ZNF44: variants seen among roughly 807,000 people sequenced by gnomAD.
ZNF44 encodes the protein zinc finger protein 44, also known as gonadotropin inducible transcription repressor-2.
Under a neutral mutation model 11.7 loss-of-function variants are expected in ZNF44, and 9 were observed. That is an observed-to-expected ratio of 0.77 (90% CI 0.46 to 1.35). The LOEUF (loss-of-function observed/expected upper bound fraction) is 1.35, where lower values mean the gene tolerates loss of function less well. ZNF44 is among the 40% of genes most tolerant of loss of function. The pLI, the probability that ZNF44 is intolerant of heterozygous loss-of-function variation, is 0.00. For missense variants in ZNF44, 696 were observed against 743.1 expected, an observed-to-expected ratio of 0.94 and a Z score of 0.74; for synonymous variants, 224 against 242.7, an observed-to-expected ratio of 0.92 and a Z score of 0.72.
chr19:12,250,248 T>C, exon 6 of ZNF44: 1 of 1,361,150 alleles, frequency 7.3e-7, no homozygotes, highest in Non-Finnish European at 9.8e-7. Context: ...TTACCTATAG[T>C]GGCCAGGTTC....
chr19:12,284,805 G>C (rs1431941808), intron 1 of ZNF44: 2 of 1,189,030 alleles, frequency 1.7e-6, no homozygotes, highest in Non-Finnish European at 2.4e-6. Flanking sequence ...CGTGCGCAGA[G>C]GCTACTGGGG....
chr19:12,275,079 A>T, intron 2 of ZNF44, 46 bp from the exon 3 acceptor site: 1 of 1,425,104 alleles, frequency 7.0e-7, no homozygotes. Flanking sequence ...TTACAAAATG[A>T]TACAAAAATT....
intron 1 of ZNF44, chr19:12,284,470 C>T (rs1024397461): frequency 4.6e-6 from 3 of 649,900 alleles, no homozygotes; most frequent in Admixed American, 2.0e-5. Flanking sequence ...AGAGGCAAGG[C>T]CGAGGATAAG....
chr19:12,261,502 T>C (rs545923501), intron 5 of ZNF44, among the ~76,000 whole-genome samples: 4 of 152,288 alleles, frequency 2.6e-5, no homozygotes, highest in Non-Finnish European at 4.4e-5. Context: ...TGTGCTGGCA[T>C]GTGACTGTAG....
chr19:12,284,739 G>A (rs1967653838), intron 1 of ZNF44: 1 of 761,554 alleles, frequency 1.3e-6, no homozygotes, highest in African/African-American at 1.7e-5. Context: ...GTGCTCCAAG[G>A]AGGCAGCCAC....
At chr19:12,263,084 CTTTT>C (rs113781753) in intron 5 of ZNF44, among the ~76,000 whole-genome samples, 108 of 143,296 alleles carry the variant, frequency 7.5e-4, no homozygotes, top group Non-Finnish European at 1.3e-3. Context: ...ATTCATCAAT[CTTTT>C]TTTTTTTTTT....
At chr19:12,293,644 C>A (rs1424200432) in intron 1 of ZNF44, among the ~76,000 whole-genome samples, 1 of 152,046 alleles carries the variant, frequency 6.6e-6, no homozygotes, top group Non-Finnish European at 1.5e-5. Context: ...GGGTTCATAA[C>A]GTTACTGGGA....
At chr19:12,247,891 G>A (rs139168578) in exon 8 of ZNF44, 25 of 1,328,270 alleles carry the variant, frequency 1.9e-5, no homozygotes, top group African/African-American at 7.5e-5. Context: ...TTCCTCTCAT[G>A]TTTTTGAGCA....
downstream of ZNF44, among the ~76,000 whole-genome samples, chr19:12,245,657 C>G (rs1410293308): frequency 6.6e-6 from 1 of 152,174 alleles, no homozygotes; most frequent in Non-Finnish European, 1.5e-5. Flanking sequence ...CAAATTAGAT[C>G]TTGTTTGAAT....
At chr19:12,291,278 A>G (rs1447289572) in intron 1 of ZNF44, 1 of 452,864 alleles carries the variant, frequency 2.2e-6, no homozygotes, top group South Asian at 1.6e-5. Flanking sequence ...TAAAGTTTTG[A>G]TAAAGCTTTA....
downstream of ZNF44, among the ~76,000 whole-genome samples, chr19:12,271,124 C>T (rs147972057): frequency 5.6e-4 from 85 of 152,100 alleles, no homozygotes; most frequent in Middle Eastern, 6.8e-3. Flanking sequence ...TTTGGACACG[C>T]GAAAAATTTG....
At position 12,273,911 on chromosome 19, in the gene ZNF44, T is replaced by C. The variant is rs1967096778; in HGVS notation, c.344A>G (p.His115Arg). ...TCTGATGTAGCAATTCAGGGATGAA[T>C]GACCCATTATGACTTCTCCATTCAC... is the stretch of plus-strand genomic sequence containing the variant. ...SSVNGEVIMGHSSLNCYIRVD... is the reference protein window; with the variant it reads ...SSVNGEVIMGRSSLNCYIRVD... Residue 115 changes from histidine to arginine, a missense_variant, in exon 4 of 4, where the codon CAT becomes CGT. By Grantham distance (29) the His-to-Arg change is conservative. Transcript: ENST00000355684. The C allele has an allele frequency of 6.2e-7, 1 of 1,614,206 alleles. No individual in the cohort carries two copies. Among genetic ancestry groups the C allele is most frequent in the South Asian group, 1.1e-5 (1 of 91,082 alleles).
At chr19:12,282,582 C>T (rs534801978) in intron 1 of ZNF44, among the ~76,000 whole-genome samples, 19 of 151,958 alleles carry the variant, frequency 1.3e-4, no homozygotes, top group Non-Finnish European at 1.8e-4. Flanking sequence ...CTACCATGCC[C>T]GGCTAATTTT....
At chr19:12,291,731 C>G (rs1012566557) in intron 1 of ZNF44, among the ~76,000 whole-genome samples, 8 of 151,816 alleles carry the variant, frequency 5.3e-5, no homozygotes, top group African/African-American at 1.9e-4. Context: ...GTGGCTCACA[C>G]CTGTAATCCC....
chr19:12,234,236 T>C (rs1357601474), intron 2 of ZNF44, among the ~76,000 whole-genome samples: 2 of 152,198 alleles, frequency 1.3e-5, no homozygotes, highest in Admixed American at 1.3e-4. Flanking sequence ...ATAAAAATAA[T>C]AACATCCATG....
At chr19:12,289,607 C>T (rs1967914928) in intron 1 of ZNF44, among the ~76,000 whole-genome samples, 1 of 150,980 alleles carries the variant, frequency 6.6e-6, no homozygotes, top group East Asian at 1.9e-4. Context: ...TAGTGCTCTT[C>T]TCCCTTATGT....
At position 12,294,875 on chromosome 19, in the gene ZNF44, C is replaced by G. The variant is rs1968185365; in HGVS notation, c.-181G>C. The G allele has an allele frequency of 1.5e-6, 1 of 673,320 alleles. No individual in the cohort carries two copies. Among genetic ancestry groups the G allele is most frequent in the African/African-American group, 1.9e-5 (1 of 51,750 alleles). The allele number at this position is 673,320 out of a possible 1,614,324, so 41.7% of individuals were successfully genotyped here. A position where few individuals can be genotyped will look rare whatever the true frequency, so the allele number is the denominator to read the frequency against. ...TCACACCCTCCTCTCTGCCTCGCGC[C>G]TGATTGACAATTCTCAGGAACCCGC... On this transcript the variant is annotated 5_prime_UTR_variant, in exon 1 of 4. Coordinates refer to ENST00000355684, the MANE Select transcript of ZNF44 (RefSeq NM_016264.4).
chr19:12,248,407 A>G, exon 8 of ZNF44: 1 of 1,290,940 alleles, frequency 7.7e-7, no homozygotes, highest in Non-Finnish European at 1.0e-6. Context: ...TTTTTAAAAG[A>G]CTGCAGATAA....
At chr19:12,250,965 C>T (rs780813182) in intron 5 of ZNF44, among the ~76,000 whole-genome samples, 10 of 152,156 alleles carry the variant, frequency 6.6e-5, no homozygotes, top group Middle Eastern at 3.4e-3. Context: ...ATGGCTCACA[C>T]GTGTAATCCT....
Sources: allele counts gnomAD v4.1 joint callset (sites outside exome capture counted in the v4.1 genomes callset), GRCh38; gene constraint gnomAD v4.1.1; transcripts MANE v1.5; gene names NCBI Gene and HGNC (gene_info 2026-07-23, HGNC 2026-07-21).